The following GRM3 variants were observed in gnomAD, a reference collection of about 807,000 sequenced individuals.
The protein encoded by GRM3 is metabotropic glutamate receptor 3.
In GRM3, 26 loss-of-function variants were observed where a neutral mutation model predicts 70.5. That is an observed-to-expected ratio of 0.37 (90% CI 0.27 to 0.51). The LOEUF is 0.51. Among genes scored for constraint, GRM3 ranks in the 20% least tolerant of loss-of-function variants. The pLI, the probability that GRM3 is intolerant of heterozygous loss-of-function variation, is 0.93. For synonymous variants in GRM3, 443 were observed against 434.9 expected (o/e 1.02, Z -0.23); for missense variants, 859 against 1,123.8 (o/e 0.76, Z 3.37).
chr7:86,760,452 G>A (rs951529869), intron 1 of GRM3, among the ~76,000 whole-genome samples: 1 of 152,076 alleles, frequency 6.6e-6, no homozygotes, highest in Non-Finnish European at 1.5e-5. Flanking sequence ...AACTTTGACT[G>A]TAGAGATGCA....
At chr7:86,843,168 G>A (rs6955565) in intron 4 of GRM3, among the ~76,000 whole-genome samples, 13,042 of 152,146 alleles carry the variant, frequency 0.086, 799 homozygotes, top group African/African-American at 0.18. Flanking sequence ...CTGATCAACT[G>A]ACTCTGCTAG....
chr7:86,716,300 C>T (rs994482335), intron 1 of GRM3, among the ~76,000 whole-genome samples: 1 of 151,750 alleles, frequency 6.6e-6, no homozygotes, highest in African/African-American at 2.4e-5. Context: ...AAAGACAAAG[C>T]AGAGATAAAA....
At chr7:86,723,353 A>G (rs1377507880) in intron 1 of GRM3, among the ~76,000 whole-genome samples, 2 of 152,154 alleles carry the variant, frequency 1.3e-5, no homozygotes, top group African/African-American at 4.8e-5. Context: ...GGCAAGTGAT[A>G]TTCTTCTAGT....
chr7:86,831,150 T>G (rs534035358), intron 3 of GRM3, among the ~76,000 whole-genome samples: 1 of 152,216 alleles, frequency 6.6e-6, no homozygotes, highest in Non-Finnish European at 1.5e-5. Context: ...CCTAATACAC[T>G]AATACAATGG....
chr7:86,649,036 T>C (rs1403135144), intron 1 of GRM3, among the ~76,000 whole-genome samples: 1 of 152,192 alleles, frequency 6.6e-6, no homozygotes, highest in Non-Finnish European at 1.5e-5. Flanking sequence ...TGTTAAGCAT[T>C]CGACGGTACA....
chr7:86,862,086 C>T (rs931164688), intron 5 of GRM3, among the ~76,000 whole-genome samples: 9 of 152,130 alleles, frequency 5.9e-5, no homozygotes, highest in African/African-American at 2.2e-4. Flanking sequence ...GGCAATTGGC[C>T]AGATGGCAAA....
rs114859987 is a variant in GRM3, at chr7:86,778,914, G to A, written c.469-7347G>A. Among the ~76,000 whole-genome samples, 793 of 152,228 alleles carry A rather than the reference G, an allele frequency of 5.2e-3. 4 individuals are homozygous for A. The highest frequency in any genetic ancestry group is 0.018 in the African/African-American group (755 of 41,522). The stretch of plus-strand genomic sequence containing the variant: ...TGCTTATGTACTTAGGTTAGGATGA[G>A]GTCATACTGAAGTAGGGTAGGTTCC... On this transcript the variant is annotated intron_variant, in intron 2 of 5. Coordinates refer to ENST00000361669, the MANE Select transcript of GRM3 (RefSeq NM_000840.3).
At chr7:86,814,154 G>C (rs372090524) in intron 3 of GRM3, among the ~76,000 whole-genome samples, 2 of 151,712 alleles carry the variant, frequency 1.3e-5, no homozygotes. Flanking sequence ...GCTCTGTTGC[G>C]GTCACAGTCT....
Position 86,787,261 on chromosome 7 carries a change from A to G in GRM3, c.1324+145A>G, listed in dbSNP as rs896962708. On this transcript the variant is annotated intron_variant, in intron 3 of 5. Transcript: ENST00000361669. ...TGTTAACCAAATATTCCAGGATGCAATAGGATGGTTCTCTAACATTCTTAC... is the reference window on the plus strand; with the variant it reads ...TGTTAACCAAATATTCCAGGATGCAGTAGGATGGTTCTCTAACATTCTTAC... 6 of 686,720 alleles carry G rather than the reference A, an allele frequency of 8.7e-6. No homozygotes were observed. The African/African-American group carries it at 1.1e-4, about 12-fold the overall frequency. The allele number at this position is 686,720 out of a possible 1,614,324, so 42.5% of individuals were successfully genotyped here.
chr7:86,807,535 G>A (rs1282306309), intron 3 of GRM3, among the ~76,000 whole-genome samples: 1 of 151,470 alleles, frequency 6.6e-6, no homozygotes, highest in African/African-American at 2.4e-5. Flanking sequence ...CTCATGATTT[G>A]GCTCTCTGTT....
intron 3 of GRM3, among the ~76,000 whole-genome samples, chr7:86,797,938 C>T (rs746093733): frequency 4.6e-5 from 7 of 152,216 alleles, no homozygotes; most frequent in East Asian, 1.9e-4. Context: ...CAGGCCATTG[C>T]TTCACAGGGT....
intron 1 of GRM3, among the ~76,000 whole-genome samples, chr7:86,751,772 G>A (rs1164929832): frequency 6.6e-6 from 1 of 152,190 alleles, no homozygotes; most frequent in East Asian, 1.9e-4. Flanking sequence ...TAATGAGAAG[G>A]AGGCCTCTGC....
rs567762604 is a variant in GRM3 at position 86,859,571 on chromosome 7, T to C, written c.2567-4711T>C. Among the ~76,000 whole-genome samples, 19 of 152,198 alleles carry C rather than the reference T, an allele frequency of 1.2e-4. No homozygotes were observed. The South Asian group carries it at 2.5e-3, about 20-fold the overall frequency. On this transcript the variant is annotated intron_variant, in intron 5 of 5. Coordinates refer to ENST00000361669, the MANE Select transcript of GRM3 (RefSeq NM_000840.3). ...AACAGACTTCCTGGGAAAAAATTAT[T>C]TGGGGTCATCAGAAGCAAGGAAATG... is the stretch of plus-strand genomic sequence containing the variant.
intron 1 of GRM3, among the ~76,000 whole-genome samples, chr7:86,672,273 T>G (rs890117089): frequency 2.0e-5 from 3 of 152,184 alleles, no homozygotes; most frequent in African/African-American, 7.2e-5. Context: ...TAGCATCTTA[T>G]CTTTTCCTAC....
intron 3 of GRM3, among the ~76,000 whole-genome samples, chr7:86,807,342 G>C (rs1201764075): frequency 1.8e-5 from 2 of 110,328 alleles, no homozygotes; most frequent in South Asian, 4.9e-4. Flanking sequence ...GGGCAGTATG[G>C]CCATTTTCAC....
intron 3 of GRM3, among the ~76,000 whole-genome samples, chr7:86,827,480 G>C (rs932310596): frequency 1.3e-5 from 2 of 151,744 alleles, no homozygotes; most frequent in African/African-American, 4.8e-5. Flanking sequence ...CTGAAAAGTA[G>C]TCATATCTGG....
At chr7:86,664,811 T>C (rs1793983552) in intron 1 of GRM3, among the ~76,000 whole-genome samples, 2 of 151,998 alleles carry the variant, frequency 1.3e-5, no homozygotes, top group African/African-American at 4.8e-5. Context: ...TGTGTGCTAG[T>C]AAACCCAAAG....
intron 1 of GRM3, among the ~76,000 whole-genome samples, chr7:86,645,943 G>A (rs1793450465): frequency 7.9e-6 from 1 of 126,560 alleles, no homozygotes; most frequent in Non-Finnish European, 1.6e-5. Context: ...GAATTTCTTA[G>A]AACTGTCCAG....
chr7:86,719,604 A>G (rs543307792), intron 1 of GRM3, among the ~76,000 whole-genome samples: 17 of 152,174 alleles, frequency 1.1e-4, no homozygotes, highest in South Asian at 2.1e-4. Context: ...AATAAATCAT[A>G]AATCAATTGT....
Sources: allele counts gnomAD v4.1 joint callset (sites outside exome capture counted in the v4.1 genomes callset), GRCh38; gene constraint gnomAD v4.1.1; transcripts MANE v1.5; gene names NCBI Gene and HGNC (gene_info 2026-07-23, HGNC 2026-07-21).